CSNK2A2: variants seen among roughly 807,000 people sequenced by gnomAD.
CSNK2A2 encodes casein kinase 2 alpha 2.
A neutral mutation model predicts 54.0 loss-of-function variants in CSNK2A2; 8 were observed. The ratio of observed to expected loss-of-function variants is 0.15; its 90% CI spans 0.09 to 0.27. The LOEUF is 0.27. Ranked by LOEUF, CSNK2A2 falls within the 10% of genes least tolerant of loss-of-function variation. The pLI, the probability that CSNK2A2 is intolerant of heterozygous loss-of-function variation, is 1.00. For missense variants in CSNK2A2, 242 were observed against 439.4 expected (o/e 0.55, Z 4.02); for synonymous variants, 141 against 153.9 (o/e 0.92, Z 0.62).
At chr16:58,185,178 T>C (rs952825131) in intron 3 of CSNK2A2, among the ~76,000 whole-genome samples, 2 of 152,102 alleles carry the variant, frequency 1.3e-5, no homozygotes, top group African/African-American at 4.8e-5. Flanking sequence ...CTAGAAATCT[T>C]TGCTCAAGAA....
chr16:58,197,608 C>A lies in CSNK2A2; in HGVS notation c.104+25G>T. ...GGGCGGGGGCAGGGATCAGCGGGCC[C>A]GGCGGGGGGCGGCGACGGCTTTACC... On this transcript the variant is annotated intron_variant, in intron 1 of 11. Coordinates refer to ENST00000262506, the MANE Select transcript of CSNK2A2 (RefSeq NM_001896.4). The surrounding 1 kb of genome is among the most constrained non-coding windows in gnomAD (Gnocchi z 4.0). The A allele has an allele frequency of 6.7e-7, 1 of 1,489,956 alleles. No homozygotes were observed. The highest frequency in any genetic ancestry group is 2.6e-5 in the East Asian group (1 of 38,074). 92.3% of individuals were successfully genotyped at this position (1,489,956 alleles called of 1,614,324 possible).
In CSNK2A2 at chr16:58,164,295, A is replaced by C. The variant is rs555534853; in HGVS notation, c.977-148T>G. On this transcript the variant is annotated intron_variant, in intron 10 of 11. Transcript: ENST00000262506. ...CAACAGGAGAGACGGAAATCACGGA[A>C]TTCCAGCCATATAAAAACCAAACAC... 9.2e-5 allele frequency: 56 copies of C among 608,228 alleles called. No individual in the cohort carries two copies. In the Admixed American group the frequency reaches 1.3e-3, roughly 14 times the overall value. 37.7% of individuals were successfully genotyped at this position (608,228 alleles called of 1,614,324 possible).
chr16:58,171,980 T>TATATATATATATATA (rs1555505772), intron 5 of CSNK2A2, among the ~76,000 whole-genome samples: 22 of 37,056 alleles, frequency 5.9e-4, no homozygotes, highest in African/African-American at 2.3e-3. Flanking sequence ...TATATATATA[T>TATATATATATATATA]TTTTTTTTTT....
At chr16:58,169,768 A>C (rs932702282) in intron 5 of CSNK2A2, among the ~76,000 whole-genome samples, 1 of 152,042 alleles carries the variant, frequency 6.6e-6, no homozygotes, top group African/African-American at 2.4e-5. Flanking sequence ...TTATCATTAT[A>C]AGGCCAGGCA....
chr16:58,169,914 T>A (rs998518674), intron 5 of CSNK2A2, among the ~76,000 whole-genome samples: 2 of 151,884 alleles, frequency 1.3e-5, no homozygotes, highest in Non-Finnish European at 2.9e-5. Context: ...GGCAAGGTGG[T>A]GGGCACCTCT....
intron 11 of CSNK2A2, chr16:58,159,006 T>C (rs1024354139): frequency 3.3e-5 from 5 of 152,226 alleles, no homozygotes; most frequent in Non-Finnish European, 5.9e-5. Context: ...GGAAGGACTA[T>C]GCACCTGGGA....
chr16:58,194,696 T>C (rs1226453865), intron 2 of CSNK2A2, among the ~76,000 whole-genome samples: 4 of 152,250 alleles, frequency 2.6e-5, no homozygotes, highest in African/African-American at 7.2e-5. Context: ...TTCTGGCTAA[T>C]GGTCATTCAA....
chr16:58,175,250 C>T (rs1041680666), intron 4 of CSNK2A2, among the ~76,000 whole-genome samples: 3 of 152,172 alleles, frequency 2.0e-5, no homozygotes, highest in African/African-American at 7.2e-5. Flanking sequence ...TTCTAAGAGT[C>T]AGAATACATT....
At chr16:58,174,424 A>T (rs1259466144) in intron 5 of CSNK2A2, 27 bp downstream of exon 5, 3 of 1,545,578 alleles carry the variant, frequency 1.9e-6, no homozygotes, top group East Asian at 2.3e-5. Flanking sequence ...GCCTGAAAAA[A>T]ATTAATGGTT....
rs1234069355 is a variant in CSNK2A2 at position 58,197,742 on chromosome 16, G to A, written c.-6C>T. On this transcript the variant is annotated 5_prime_UTR_variant, in exon 1 of 12. Coordinates refer to ENST00000262506, the MANE Select transcript of CSNK2A2 (RefSeq NM_001896.4). The surrounding 1 kb of genome is among the most constrained non-coding windows in gnomAD (Gnocchi z 4.0). ...CCCGCGGCCGGGCCGGGCATGGCGG[G>A]CGGGACCGGGGGGCGGCGCGGGGCG... 3 of 1,337,214 alleles carry A rather than the reference G, an allele frequency of 2.2e-6. No homozygotes were observed. Among genetic ancestry groups the A allele is most frequent in the African/African-American group, 3.1e-5 (2 of 64,740 alleles). The allele number at this position is 1,337,214 out of a possible 1,614,324, so 82.8% of individuals were successfully genotyped here.
chr16:58,184,391 C>A, intron 3 of CSNK2A2, 81 bp from the exon 4 acceptor site: 1 of 964,640 alleles, frequency 1.0e-6, no homozygotes, highest in Non-Finnish European at 1.6e-6. Flanking sequence ...GGCCCATCCC[C>A]AAATCCTACT....
At chr16:58,174,131 T>C (rs1014560660) in intron 5 of CSNK2A2, 2 of 196,888 alleles carry the variant, frequency 1.0e-5, no homozygotes, top group African/African-American at 4.6e-5. Flanking sequence ...TTAAAAGTCA[T>C]TAAGTTTGGG....
chr16:58,180,278 C>T (rs1051797407), intron 4 of CSNK2A2, among the ~76,000 whole-genome samples: 17 of 151,104 alleles, frequency 1.1e-4, no homozygotes, highest in African/African-American at 2.9e-4. Context: ...AAAAGATTAA[C>T]GACAGATCTC....
At chr16:58,179,610 T>G (rs572240820) in intron 4 of CSNK2A2, among the ~76,000 whole-genome samples, 22 of 152,264 alleles carry the variant, frequency 1.4e-4, no homozygotes, top group African/African-American at 5.3e-4. Flanking sequence ...ATATACTGAT[T>G]GTGCTACTCC....
At chr16:58,173,671 C>T (rs1961799727) in intron 5 of CSNK2A2, among the ~76,000 whole-genome samples, 1 of 152,192 alleles carries the variant, frequency 6.6e-6, no homozygotes, top group Non-Finnish European at 1.5e-5. Flanking sequence ...TAGGAAGACT[C>T]ATGCAAGAAG....
intron 5 of CSNK2A2, among the ~76,000 whole-genome samples, chr16:58,171,606 CAGA>C (rs1318127378): frequency 6.6e-6 from 1 of 151,910 alleles, no homozygotes; most frequent in Non-Finnish European, 1.5e-5. Context: ...AGACACTGAA[CAGA>C]AGAACACAAG....
chr16:58,161,935 TCAGAGAGACAGG>T (rs1157730451), intron 11 of CSNK2A2: 1 of 152,158 alleles, frequency 6.6e-6, no homozygotes, highest in Non-Finnish European at 1.5e-5. Flanking sequence ...TACATCACCG[TCAGAGAGACAGG>T]CAGAGGTCAA....
chr16:58,186,716 C>T (rs1429267625), intron 3 of CSNK2A2, 39 bp downstream of exon 3: 2 of 1,451,730 alleles, frequency 1.4e-6, no homozygotes, highest in Non-Finnish European at 9.6e-7. Context: ...ATCCACACCC[C>T]GGTCTACTAG....
intron 4 of CSNK2A2, among the ~76,000 whole-genome samples, chr16:58,182,292 A>G (rs1160738956): frequency 2.1e-5 from 3 of 141,524 alleles, no homozygotes; most frequent in Non-Finnish European, 1.5e-5. Context: ...GCACTTTGGG[A>G]GGCCAAGGCA....
Sources: gnomAD v4.1 joint callset for allele counts (sites outside exome capture counted in the v4.1 genomes callset) on GRCh38, gnomAD v4.1.1 for gene constraint, Gnocchi (gnomAD v3.1) non-coding constraint, MANE v1.5 for transcripts, NCBI Gene and HGNC (gene_info 2026-07-23, HGNC 2026-07-21) for gene names.